Variants in PSG1 observed in about 807,000 individuals in gnomAD.
The protein encoded by PSG1 is pregnancy specific beta-1-glycoprotein 1, also known as pregnancy-specific beta-1-glycoprotein 1.
Under a neutral mutation model 41.4 loss-of-function variants are expected in PSG1, and 60 were observed. The observed-to-expected ratio is 1.45, with a 90% CI of 1.18 to 1.80. The LOEUF (loss-of-function observed/expected upper bound fraction) is 1.80. Ranked by LOEUF, PSG1 falls within the 40% of genes most tolerant of loss-of-function variation. The pLI, the probability that PSG1 is intolerant of heterozygous loss-of-function variation, is 0.00. For missense variants in PSG1, 806 were observed against 516.9 expected, an observed-to-expected ratio of 1.56 and a Z score of -5.42; for synonymous variants, 256 against 192.9, an observed-to-expected ratio of 1.33 and a Z score of -2.71.
chr19:42,876,448 G>A (rs974745265), intron 2 of PSG1, among the ~76,000 whole-genome samples: 2 of 151,458 alleles, frequency 1.3e-5, no homozygotes, highest in African/African-American at 2.4e-5. Flanking sequence ...CAAGGGACAG[G>A]TGTGGCTAGA....
At chr19:42,869,973 C>T (rs1352127679) in intron 3 of PSG1, 1 of 151,574 alleles carries the variant, frequency 6.6e-6, no homozygotes, top group Non-Finnish European at 1.5e-5. Flanking sequence ...TATTTTATTT[C>T]ATTGGACATT....
chr19:42,878,435 G>A (rs1052730826), intron 1 of PSG1, 157 bp from the exon 2 acceptor site: 32 of 1,251,860 alleles, frequency 2.6e-5, no homozygotes, highest in Middle Eastern at 2.7e-4. Context: ...ACACAAAAGC[G>A]GCATGTGTGA....
chr19:42,867,140 A>T lies in PSG1; in HGVS notation c.1254T>A (p.Val418=), dbSNP rs4030952. ...TTGGAGGTACTAGTAGAATTCAGGGAACTGTCCAGTCTACAGGTGGATAAT... is the reference window on the plus strand; with the variant it reads ...TTGGAGGTACTAGTAGAATTCAGGGTACTGTCCAGTCTACAGGTGGATAAT... The part of the protein sequence containing the change: ...SMTVEVSDWT[V]P Residue 418 remains valine (V), a synonymous_variant, in exon 6 of 6, where the codon GTT becomes GTA. Transcript: ENST00000436291. 0.18 allele frequency: 136,945 copies of T among 767,070 alleles called. 17,954 individuals are homozygous for T. Among genetic ancestry groups the T allele is most frequent in the East Asian group, 0.41 (16,884 of 40,872 alleles). The allele number at this position is 767,070 out of a possible 1,614,324, so 47.5% of individuals were successfully genotyped here.
intron 2 of PSG1, among the ~76,000 whole-genome samples, chr19:42,875,177 C>T (rs867743951): frequency 2.6e-5 from 4 of 151,794 alleles, no homozygotes; most frequent in Non-Finnish European, 5.9e-5. Context: ...TGTCCTCACT[C>T]ATTCCTGGGC....
At chr19:42,867,181 A>G (rs1406323312) in intron 5 of PSG1, 31 bp from the exon 6 acceptor site, 2 of 765,906 alleles carry the variant, frequency 2.6e-6, no homozygotes, top group Non-Finnish European at 4.8e-6. Flanking sequence ...CACAGAAACA[A>G]TGAACAGAGC....
Position 42,872,108 on chromosome 19 carries a change from T to C in PSG1, c.431-63A>G. The C allele has an allele frequency of 2.6e-6, 4 of 1,562,172 alleles. 1 individual carries two copies. In the South Asian group the frequency reaches 3.7e-5, roughly 14 times the overall value. ...GCCTTTGATTCCTCCAAAGGCATTT[T>C]TCAATCAGAATTGGCATTTCCCACC... On this transcript the variant is annotated intron_variant, in intron 2 of 5. Coordinates refer to ENST00000436291, the MANE Select transcript of PSG1 (RefSeq NM_001184825.2).
intron 2 of PSG1, among the ~76,000 whole-genome samples, chr19:42,874,445 C>T (rs1293995083): frequency 6.6e-6 from 1 of 151,564 alleles, no homozygotes; most frequent in East Asian, 1.9e-4. Context: ...CTCCTGGGTT[C>T]ACACCATTCT....
At position 42,867,100 on chromosome 19, in the gene PSG1, T is replaced by A. The variant is rs761949388; in HGVS notation, c.*34A>T. 2 of 772,706 alleles carry A rather than the reference T, an allele frequency of 2.6e-6. No homozygotes were observed. The highest frequency in any genetic ancestry group is 4.8e-6 in the Non-Finnish European group (2 of 417,546). The allele number at this position is 772,706 out of a possible 1,614,324, so 47.9% of individuals were successfully genotyped here. Reference sequence around the variant, plus strand: ...GTGGGTCTTGCTCTTAGTGATTCCATGGGAGAAAATGGAATTGGAGGTACT... The same window carrying A: ...GTGGGTCTTGCTCTTAGTGATTCCAAGGGAGAAAATGGAATTGGAGGTACT... On this transcript the variant is annotated 3_prime_UTR_variant, in exon 6 of 6. Transcript: ENST00000436291.
chr19:42,868,404 G>T lies in PSG1; in HGVS notation c.989-49C>A, dbSNP rs771618119. On this transcript the variant is annotated intron_variant, in intron 4 of 5. Transcript: ENST00000436291. ...CAGGTGATGTCATCTGAGGGAAGGG[G>T]ATGTTCCTGGTCTCTTAAAGGGACA... 25 of 1,555,908 alleles carry T rather than the reference G, an allele frequency of 1.6e-5. 1 individual carries two copies. In the East Asian group the frequency reaches 5.4e-4, roughly 34 times the overall value.
chr19:42,877,304 G>C (rs1971649346), intron 2 of PSG1, among the ~76,000 whole-genome samples: 3 of 151,510 alleles, frequency 2.0e-5, no homozygotes, highest in Admixed American at 2.0e-4. Flanking sequence ...TTGTCTTTCT[G>C]TCCTCTCCAC....
In PSG1 at chr19:42,877,182, A is replaced by G. The variant is rs182519106; in HGVS notation, c.430+731T>C. On this transcript the variant is annotated intron_variant, in intron 2 of 5. Transcript: ENST00000436291. ...GCACCTTTACGTCAGATCCCTGTGGACAAGCTGCTACCTGGTACATCTTCT... is the reference window on the plus strand; with the variant it reads ...GCACCTTTACGTCAGATCCCTGTGGGCAAGCTGCTACCTGGTACATCTTCT... Among the ~76,000 whole-genome samples the G allele has an allele frequency of 4.8e-4, 73 of 151,738 alleles. 1 individual carries two copies. Among genetic ancestry groups the G allele is most frequent in the Non-Finnish European group, 9.1e-4 (62 of 67,898 alleles).
chr19:42,875,090 T>C (rs1358016307), intron 2 of PSG1, among the ~76,000 whole-genome samples: 1 of 151,628 alleles, frequency 6.6e-6, no homozygotes, highest in East Asian at 1.9e-4. Context: ...GACACCCTGG[T>C]GAGTCAGTGC....
intron 3 of PSG1, 176 bp from the exon 4 acceptor site, chr19:42,869,210 G>C (rs560055720): frequency 7.2e-7 from 1 of 1,383,086 alleles, no homozygotes. Flanking sequence ...CAAAGACTGT[G>C]AGGCCGCCTT....
chr19:42,874,302 T>A (rs888428703), intron 2 of PSG1, among the ~76,000 whole-genome samples: 2 of 151,642 alleles, frequency 1.3e-5, no homozygotes, highest in Non-Finnish European at 2.9e-5. Flanking sequence ...TCCACAGCTG[T>A]GTGCAGTCTA....
intron 5 of PSG1, 64 bp from the exon 6 acceptor site, chr19:42,867,214 T>A (rs1008684725): frequency 1.3e-6 from 1 of 762,508 alleles, no homozygotes; most frequent in African/African-American, 1.7e-5. Flanking sequence ...ACAGGTATAC[T>A]ACAGTTTTTA....
At chr19:42,872,187 C>G in intron 2 of PSG1, 142 bp from the exon 3 acceptor site, 8 of 1,256,344 alleles carry the variant, frequency 6.4e-6, no homozygotes, top group Non-Finnish European at 8.8e-6. Flanking sequence ...TGATACAAGA[C>G]AGATGCATGG....
intron 1 of PSG1, among the ~76,000 whole-genome samples, 166 bp downstream of exon 1, chr19:42,879,352 C>G (rs776628026): frequency 5.3e-5 from 8 of 151,338 alleles, no homozygotes; most frequent in Non-Finnish European, 1.0e-4. Context: ...CAGGGCTTCA[C>G]TGTGTTGGCC....
At chr19:42,873,027 G>C (rs1047689268) in intron 2 of PSG1, among the ~76,000 whole-genome samples, 19 of 151,706 alleles carry the variant, frequency 1.3e-4, no homozygotes, top group Admixed American at 5.3e-4. Flanking sequence ...CTATGTACCT[G>C]ATATCAGTGG....
intron 5 of PSG1, 115 bp from the exon 6 acceptor site, chr19:42,867,265 T>A: frequency 1.4e-6 from 1 of 715,946 alleles, no homozygotes; most frequent in Non-Finnish European, 2.5e-6. Context: ...TCTCTACTTT[T>A]ACCAATGATA....
Sources: gnomAD v4.1 joint callset for allele counts (sites outside exome capture counted in the v4.1 genomes callset) on GRCh38, gnomAD v4.1.1 for gene constraint, MANE v1.5 for transcripts, NCBI Gene and HGNC (gene_info 2026-07-23, HGNC 2026-07-21) for gene names.